ALK: variants seen among roughly 807,000 people sequenced by gnomAD.
ALK encodes ALK receptor tyrosine kinase.
Under a neutral mutation model 163.1 loss-of-function variants are expected in ALK, and 74 were observed. The ratio of observed to expected loss-of-function variants is 0.45; its 90% confidence interval spans 0.38 to 0.55. ALK has a LOEUF of 0.55. Among genes scored for constraint, ALK ranks in the 20% least tolerant of loss-of-function variants. ALK has a pLI of 0.00. For synonymous variants in ALK, 960 were observed against 843.2 expected (o/e 1.14, Z -2.40); for missense variants, 2,063 against 2,105.3 (o/e 0.98, Z 0.39).
intron 3 of ALK, among the ~76,000 whole-genome samples, chr2:29,645,378 C>CA (rs1676842026): frequency 6.6e-6 from 1 of 152,114 alleles, no homozygotes; most frequent in Admixed American, 6.6e-5. Context: ...AGGAAACAAA[C>CA]TTGGCTTCTT....
intron 1 of ALK, among the ~76,000 whole-genome samples, chr2:29,735,305 C>G (rs1024766616): frequency 6.6e-6 from 1 of 152,022 alleles, no homozygotes; most frequent in Admixed American, 6.5e-5. Context: ...AGTGTTGATA[C>G]TTTTGACTGA....
intron 1 of ALK, among the ~76,000 whole-genome samples, chr2:29,881,932 GAAGGCCA>G (rs1160148421): frequency 6.6e-6 from 1 of 152,102 alleles, no homozygotes; most frequent in Non-Finnish European, 1.5e-5. Context: ...CCTCAGTTCA[GAAGGCCA>G]AAGGAGCCTG....
At chr2:29,501,613 C>T (rs967753906) in intron 4 of ALK, among the ~76,000 whole-genome samples, 1 of 152,196 alleles carries the variant, frequency 6.6e-6, no homozygotes, top group African/African-American at 2.4e-5. Flanking sequence ...TGGAAAGCTC[C>T]ATTTCATCCC....
intron 11 of ALK, among the ~76,000 whole-genome samples, chr2:29,272,205 A>G (rs1378503740): frequency 2.0e-5 from 3 of 151,546 alleles, no homozygotes; most frequent in East Asian, 1.9e-4. Flanking sequence ...AGAGAGAGAG[A>G]GAGAGAAGAA....
intron 5 of ALK, among the ~76,000 whole-genome samples, chr2:29,336,143 C>T (rs1395702477): frequency 6.6e-5 from 10 of 152,180 alleles, no homozygotes; most frequent in Admixed American, 6.5e-4. Context: ...AGATCTTGGG[C>T]TGAGATGCCT....
At chr2:29,350,094 G>A (rs1242951963) in intron 5 of ALK, among the ~76,000 whole-genome samples, 1 of 152,214 alleles carries the variant, frequency 6.6e-6, no homozygotes, top group Non-Finnish European at 1.5e-5. Context: ...AACTGGCTTA[G>A]TCTTTCCAAG....
At chr2:29,380,105 CT>C (rs200374527) in intron 5 of ALK, among the ~76,000 whole-genome samples, 26,043 of 137,758 alleles carry the variant, frequency 0.19, 2,735 homozygotes, top group Middle Eastern at 0.27. Context: ...GTGCTGCACA[CT>C]TTTTTTTTTT....
At chr2:29,513,691 C>G (rs1394233523) in intron 4 of ALK, among the ~76,000 whole-genome samples, 2 of 150,984 alleles carry the variant, frequency 1.3e-5, no homozygotes, top group Non-Finnish European at 3.0e-5. Context: ...GCAAAAGAAA[C>G]TACCATCAGA....
chr2:29,807,730 G>T (rs1044446898), intron 1 of ALK, among the ~76,000 whole-genome samples: 1 of 152,192 alleles, frequency 6.6e-6, no homozygotes, highest in Non-Finnish European at 1.5e-5. Context: ...AGTTAAAAGG[G>T]AATTAAAGTT....
At chr2:29,704,505 G>T (rs1260330321) in intron 2 of ALK, among the ~76,000 whole-genome samples, 1 of 152,094 alleles carries the variant, frequency 6.6e-6, no homozygotes, top group East Asian at 1.9e-4. Flanking sequence ...TCAAAGCTGT[G>T]TATAACAAAA....
chr2:29,314,620 T>A (rs879224916), intron 8 of ALK, among the ~76,000 whole-genome samples: 1 of 152,144 alleles, frequency 6.6e-6, no homozygotes, highest in African/African-American at 2.4e-5. Flanking sequence ...CATTTTTGGA[T>A]CAAATTGCAC....
intron 3 of ALK, among the ~76,000 whole-genome samples, chr2:29,644,240 G>C (rs1676806063): frequency 8.6e-6 from 1 of 116,922 alleles, no homozygotes; most frequent in Non-Finnish European, 1.7e-5. Flanking sequence ...ACACACTGGG[G>C]CCTGTTGCGG....
Position 29,574,958 on chromosome 2 carries a change from G to A in ALK, c.953-42842C>T, listed in dbSNP as rs540659814. Among the ~76,000 whole-genome samples, 11 of 152,284 alleles carry A rather than the reference G, an allele frequency of 7.2e-5. No homozygotes were observed. In the South Asian group the frequency reaches 2.3e-3, roughly 32 times the overall value. Reference sequence around the variant, plus strand: ...ACCAGGTGTTACATTATTAATACCTGCACGGCAACTTCAGAGAATTCAGGC... The same window carrying A: ...ACCAGGTGTTACATTATTAATACCTACACGGCAACTTCAGAGAATTCAGGC... On this transcript the variant is annotated intron_variant, in intron 3 of 28. Transcript: ENST00000389048.
At chr2:29,268,032 A>C (rs1025849731) in intron 11 of ALK, among the ~76,000 whole-genome samples, 4 of 152,210 alleles carry the variant, frequency 2.6e-5, no homozygotes, top group African/African-American at 9.7e-5. Flanking sequence ...ATGAGAAAAA[A>C]CAACATGTTT....
intron 4 of ALK, among the ~76,000 whole-genome samples, chr2:29,506,513 G>A (rs1009324252): frequency 3.3e-5 from 5 of 152,132 alleles, no homozygotes; most frequent in African/African-American, 9.7e-5. Flanking sequence ...TTGGGAGGCC[G>A]AGGCGGGTGG....
intron 1 of ALK, among the ~76,000 whole-genome samples, chr2:29,876,661 G>GCGGTGA (rs879549358): frequency 0.054 from 7,953 of 147,024 alleles, 276 homozygotes; most frequent in East Asian, 0.13. Context: ...GACGGCGATG[G>GCGGTGA]TGGTGATGAT....
intron 1 of ALK, among the ~76,000 whole-genome samples, chr2:29,776,728 T>C (rs1196459949): frequency 6.6e-6 from 1 of 151,838 alleles, no homozygotes; most frequent in Non-Finnish European, 1.5e-5. Context: ...GCCTGGGAGG[T>C]CAAGTCTGCA....
chr2:29,890,299 T>A (rs1040376708), intron 1 of ALK: 1 of 143,082 alleles, frequency 7.0e-6, no homozygotes, highest in African/African-American at 2.6e-5. Flanking sequence ...AATGAAACAG[T>A]GGAAGTTTCC....
intron 8 of ALK, among the ~76,000 whole-genome samples, chr2:29,309,130 C>T (rs1047103304): frequency 5.3e-5 from 8 of 152,066 alleles, no homozygotes; most frequent in African/African-American, 1.9e-4. Context: ...AATGAAACTC[C>T]CACAGCCTTC....
Sources: gnomAD v4.1 joint callset for allele counts (sites outside exome capture counted in the v4.1 genomes callset) on GRCh38, gnomAD v4.1.1 for gene constraint, MANE v1.5 for transcripts, NCBI Gene and HGNC (gene_info 2026-07-23, HGNC 2026-07-21) for gene names.